TENM2: variants seen among roughly 807,000 people sequenced by gnomAD.
TENM2 encodes teneurin-2.
TENM2 carries 52 observed loss-of-function variants against 245.2 expected under a neutral mutation model. That is an observed-to-expected ratio of 0.21 (90% CI 0.17 to 0.27). TENM2 has a LOEUF of 0.27. TENM2 is among the 10% of genes least tolerant of loss of function. The pLI, the probability that TENM2 is intolerant of heterozygous loss-of-function variation, is 1.00. For missense variants in TENM2, 3,046 were observed against 3,666.8 expected, an observed-to-expected ratio of 0.83 and a Z score of 4.37; for synonymous variants, 1,363 against 1,438.9, an observed-to-expected ratio of 0.95 and a Z score of 1.19.
At chr5:167,302,148 C>T (rs1215787822) in intron 1 of TENM2, among the ~76,000 whole-genome samples, 2 of 152,052 alleles carry the variant, frequency 1.3e-5, no homozygotes, top group Admixed American at 6.6e-5. Flanking sequence ...CACCTCAGAC[C>T]GTTTGCCTAT....
chr5:167,382,383 C>T (rs928105618), intron 2 of TENM2, among the ~76,000 whole-genome samples: 10 of 152,128 alleles, frequency 6.6e-5, no homozygotes, highest in Admixed American at 5.2e-4. Context: ...GAGAGAAAGA[C>T]ATGGAGCAAT....
chr5:168,208,402 A>G (rs140037049), intron 19 of TENM2, among the ~76,000 whole-genome samples: 327 of 152,338 alleles, frequency 2.1e-3, no homozygotes, highest in Non-Finnish European at 3.9e-3. Flanking sequence ...CAATCATTAG[A>G]GGAGACCTTC....
intron 9 of TENM2, among the ~76,000 whole-genome samples, chr5:168,106,675 C>T (rs746241890): frequency 7.9e-5 from 12 of 152,192 alleles, no homozygotes; most frequent in Non-Finnish European, 1.8e-4. Context: ...GCGATGGTTA[C>T]ACACTAGAAT....
At chr5:167,722,251 G>A (rs374115619) in intron 2 of TENM2, among the ~76,000 whole-genome samples, 57 of 152,170 alleles carry the variant, frequency 3.7e-4, no homozygotes, top group Admixed American at 2.6e-4. Flanking sequence ...ATGATTAGCC[G>A]TTAATATTTG....
At chr5:167,506,934 T>C (rs1467667131) in intron 2 of TENM2, among the ~76,000 whole-genome samples, 1 of 152,216 alleles carries the variant, frequency 6.6e-6, no homozygotes, top group Non-Finnish European at 1.5e-5. Flanking sequence ...TTTAATTTGT[T>C]TGTGAAAGTT....
At chr5:167,765,908 T>C (rs1762988194) in intron 2 of TENM2, among the ~76,000 whole-genome samples, 1 of 152,176 alleles carries the variant, frequency 6.6e-6, no homozygotes, top group African/African-American at 2.4e-5. Context: ...ACTTAATTGA[T>C]ATGTATTGAA....
intron 3 of TENM2, among the ~76,000 whole-genome samples, chr5:167,928,488 C>A (rs1295213911): frequency 6.6e-6 from 1 of 152,142 alleles, no homozygotes; most frequent in Non-Finnish European, 1.5e-5. Flanking sequence ...TTGGTCTTCT[C>A]AAAATTGCAT....
intron 2 of TENM2, among the ~76,000 whole-genome samples, chr5:167,618,962 C>T (rs1306864975): frequency 6.6e-6 from 1 of 151,894 alleles, no homozygotes; most frequent in African/African-American, 2.4e-5. Context: ...TAGTGAGTAC[C>T]CCCTTTTAGA....
chr5:167,027,091 T>C, the TENM2 span, among the ~76,000 whole-genome samples: 1 of 152,276 alleles, frequency 6.6e-6, no homozygotes, highest in Non-Finnish European at 1.5e-5. Flanking sequence ...TTCAAGGACT[T>C]ATGGAAGAAT....
chr5:167,733,513 G>A (rs1162147053), intron 2 of TENM2, among the ~76,000 whole-genome samples: 1 of 152,098 alleles, frequency 6.6e-6, no homozygotes, highest in Middle Eastern at 3.2e-3. Flanking sequence ...CAAAGCTGCT[G>A]TTTTACATAC....
At chr5:167,235,052 A>G in the TENM2 span, among the ~76,000 whole-genome samples, 2 of 152,150 alleles carry the variant, frequency 1.3e-5, no homozygotes, top group Admixed American at 1.3e-4. Flanking sequence ...GTAGGAATGT[A>G]TTTCCTTGCA....
chr5:168,219,241 C>T (rs1261748903), intron 23 of TENM2, among the ~76,000 whole-genome samples: 5 of 152,174 alleles, frequency 3.3e-5, no homozygotes, highest in African/African-American at 1.2e-4. Flanking sequence ...GCCTGCTTGC[C>T]GTTCAAATTT....
chr5:167,796,451 T>C (rs747045781), intron 2 of TENM2, among the ~76,000 whole-genome samples: 4 of 152,202 alleles, frequency 2.6e-5, no homozygotes, highest in Non-Finnish European at 5.9e-5. Context: ...TCTTCCTTGC[T>C]CTTCCTTCTG....
intron 2 of TENM2, among the ~76,000 whole-genome samples, chr5:167,866,490 T>TC (rs1772332599): frequency 8.3e-6 from 1 of 120,640 alleles, no homozygotes. Context: ...ACAGTGAGAC[T>TC]CCATCTCAAA....
chr5:167,262,820 A>G, the TENM2 span, among the ~76,000 whole-genome samples: 1 of 152,124 alleles, frequency 6.6e-6, no homozygotes, highest in African/African-American at 2.4e-5. Flanking sequence ...GTGTTCAGGC[A>G]GCTATCACAA....
intron 13 of TENM2, chr5:168,185,972 TTATATATATATATATATATTTGAATTTA>T (rs1562258503): frequency 5.7e-3 from 33 of 5,784 alleles, no homozygotes; most frequent in African/African-American, 0.013. Flanking sequence ...ATATTTGAAT[TTATATATATATATATATATTTGAATTTA>T]TATATATATA....
intron 2 of TENM2, among the ~76,000 whole-genome samples, chr5:167,511,942 C>A (rs1769983440): frequency 6.6e-6 from 1 of 152,124 alleles, no homozygotes; most frequent in Non-Finnish European, 1.5e-5. Flanking sequence ...TGGAAGCAGT[C>A]TTAGAAAGTC....
intron 2 of TENM2, among the ~76,000 whole-genome samples, chr5:167,420,204 G>T (rs890034041): frequency 6.6e-6 from 1 of 152,180 alleles, no homozygotes; most frequent in African/African-American, 2.4e-5. Context: ...TTGTTACCCT[G>T]TGTGAAGGAA....
intron 2 of TENM2, among the ~76,000 whole-genome samples, chr5:167,474,099 C>A (rs890594399): frequency 1.3e-5 from 2 of 152,074 alleles, no homozygotes; most frequent in African/African-American, 2.4e-5. Context: ...CCCACTTACC[C>A]AATGATGAAA....
Sources: gnomAD v4.1 joint callset for allele counts (sites outside exome capture counted in the v4.1 genomes callset) on GRCh38, gnomAD v4.1.1 for gene constraint, MANE v1.5 for transcripts, NCBI Gene and HGNC (gene_info 2026-07-23, HGNC 2026-07-21) for gene names.